The following PTPRN2 variants were observed in gnomAD, a reference collection of about 807,000 sequenced individuals.
PTPRN2 encodes protein tyrosine phosphatase receptor type N2.
In PTPRN2, 74 loss-of-function variants were observed where a neutral mutation model predicts 118.8. The ratio of observed to expected loss-of-function variants is 0.62; its 90% CI spans 0.52 to 0.76. The LOEUF (loss-of-function observed/expected upper bound fraction) is 0.76, where lower values mean the gene tolerates loss of function less well. Among genes scored for constraint, PTPRN2 ranks in the 30% least tolerant of loss-of-function variants. The pLI, the probability that PTPRN2 is intolerant of heterozygous loss-of-function variation, is 0.00. For synonymous variants in PTPRN2, 641 were observed against 608.0 expected (o/e 1.05, Z -0.80); for missense variants, 1,481 against 1,394.4 (o/e 1.06, Z -0.99).
intron 14 of PTPRN2, among the ~76,000 whole-genome samples, chr7:157,645,140 A>G (rs1796272): frequency 0.85 from 129,896 of 152,292 alleles, 55,800 homozygotes; most frequent in Admixed American, 0.91. Context: ...CCTGTGATTG[A>G]TGTTGCGTGG....
At chr7:158,545,268 GTC>G (rs1397305527) in intron 1 of PTPRN2, among the ~76,000 whole-genome samples, 2 of 152,212 alleles carry the variant, frequency 1.3e-5, no homozygotes, top group Admixed American at 6.5e-5. Context: ...GTTTGCCTGT[GTC>G]TCTCACCACT....
chr7:158,422,611 C>T (rs1366943922), intron 2 of PTPRN2, among the ~76,000 whole-genome samples: 5 of 152,264 alleles, frequency 3.3e-5, no homozygotes, highest in African/African-American at 1.2e-4. Context: ...GGATGTCATA[C>T]CTGGGCTGAC....
intron 2 of PTPRN2, among the ~76,000 whole-genome samples, chr7:158,401,501 C>T (rs1222117027): frequency 2.0e-5 from 3 of 152,176 alleles, no homozygotes; most frequent in East Asian, 1.9e-4. Flanking sequence ...AAGGGAGCAG[C>T]GTGGAGGCAG....
At chr7:157,828,779 A>G (rs1807354389) in intron 12 of PTPRN2, among the ~76,000 whole-genome samples, 1 of 152,086 alleles carries the variant, frequency 6.6e-6, no homozygotes, top group African/African-American at 2.4e-5. Context: ...TGTGTTGCCG[A>G]CTCCCGAAAA....
chr7:157,807,498 T>C (rs891608102), intron 12 of PTPRN2, among the ~76,000 whole-genome samples: 2 of 152,154 alleles, frequency 1.3e-5, no homozygotes, highest in African/African-American at 4.8e-5. Context: ...GCCTCAGACC[T>C]GGGGCCATGG....
At chr7:158,483,234 G>A (rs1820767913) in intron 2 of PTPRN2, among the ~76,000 whole-genome samples, 1 of 152,212 alleles carries the variant, frequency 6.6e-6, no homozygotes, top group Non-Finnish European at 1.5e-5. Context: ...TTTGTTACAA[G>A]TCTCAGCCAT....
intron 11 of PTPRN2, among the ~76,000 whole-genome samples, chr7:158,023,298 C>G (rs1233411627): frequency 6.6e-6 from 1 of 152,096 alleles, no homozygotes; most frequent in East Asian, 1.9e-4. Flanking sequence ...ACAGACAGCT[C>G]TCTCAGACCC....
At chr7:157,886,062 G>A (rs1042630816) in intron 12 of PTPRN2, among the ~76,000 whole-genome samples, 2 of 152,230 alleles carry the variant, frequency 1.3e-5, no homozygotes, top group Non-Finnish European at 2.9e-5. Flanking sequence ...CTCCAAGTCT[G>A]ATGGGTTGAC....
chr7:157,844,868 C>T (rs751253204), intron 12 of PTPRN2, among the ~76,000 whole-genome samples: 1 of 152,172 alleles, frequency 6.6e-6, no homozygotes, highest in African/African-American at 2.4e-5. Context: ...TGTGAGCCTC[C>T]GGGTGCTCGT....
chr7:158,310,615 A>G (rs1400482578), intron 3 of PTPRN2, among the ~76,000 whole-genome samples: 3 of 152,202 alleles, frequency 2.0e-5, no homozygotes, highest in Non-Finnish European at 4.4e-5. Flanking sequence ...AGGTTCCTCC[A>G]TTGCCCTGCG....
At chr7:157,689,895 C>T (rs1397312887) in intron 12 of PTPRN2, among the ~76,000 whole-genome samples, 1 of 152,212 alleles carries the variant, frequency 6.6e-6, no homozygotes, top group Admixed American at 6.5e-5. Context: ...GGCGCGCTCC[C>T]GGACCCTGGT....
chr7:157,825,882 G>A (rs961322892), intron 12 of PTPRN2, among the ~76,000 whole-genome samples: 1 of 152,240 alleles, frequency 6.6e-6, no homozygotes, highest in Non-Finnish European at 1.5e-5. Context: ...TAGCATCACT[G>A]TAGAGAGCTT....
intron 2 of PTPRN2, among the ~76,000 whole-genome samples, chr7:158,440,380 C>T (rs1816901168): frequency 6.6e-6 from 1 of 152,168 alleles, no homozygotes; most frequent in African/African-American, 2.4e-5. Flanking sequence ...GGCAGACTTC[C>T]TCAACAACAG....
chr7:158,147,576 C>G (rs1820262302), intron 6 of PTPRN2, among the ~76,000 whole-genome samples: 1 of 133,466 alleles, frequency 7.5e-6, no homozygotes, highest in African/African-American at 2.9e-5. Context: ...CACCCCATCT[C>G]ACGCCACGTG....
In PTPRN2 at chr7:158,316,353, C is replaced by T. The variant is rs548229394; in HGVS notation, c.277+466G>A. On this transcript the variant is annotated intron_variant, in intron 3 of 22. Coordinates refer to ENST00000389418, the MANE Select transcript of PTPRN2 (RefSeq NM_002847.5). ...CAGTGGGCCGGTGCTGTGGGAATTC[C>T]CTGGTCCTACCATGTTGCCATATAT... Among the ~76,000 whole-genome samples the T allele has an allele frequency of 2.0e-5, 3 of 152,314 alleles. 1 individual carries two copies. The highest frequency in any genetic ancestry group is 7.2e-5 in the African/African-American group (3 of 41,574).
At chr7:158,280,674 G>A (rs981888226) in intron 3 of PTPRN2, among the ~76,000 whole-genome samples, 9 of 152,138 alleles carry the variant, frequency 5.9e-5, no homozygotes, top group East Asian at 3.9e-4. Flanking sequence ...AGACGCGGCC[G>A]TGGAGTTTCT....
intron 12 of PTPRN2, among the ~76,000 whole-genome samples, chr7:157,817,884 G>A (rs1369344246): frequency 6.6e-6 from 1 of 151,998 alleles, no homozygotes; most frequent in Non-Finnish European, 1.5e-5. Context: ...TGATGTTTGT[G>A]TGGTGTGTGT....
intron 6 of PTPRN2, among the ~76,000 whole-genome samples, chr7:158,143,811 CAAAAGGACA>C (rs1819618470): frequency 6.6e-6 from 1 of 152,258 alleles, no homozygotes; most frequent in Non-Finnish European, 1.5e-5. Flanking sequence ...TCTGCCCTCC[CAAAAGGACA>C]AAAGGACTCT....
At position 157,874,125 on chromosome 7, in the gene PTPRN2, C is replaced by T. The variant is rs992457970; in HGVS notation, c.1788+24548G>A. Among the ~76,000 whole-genome samples, 1 of 152,322 alleles carries T rather than the reference C, an allele frequency of 6.6e-6. No individual in the cohort carries two copies. Among genetic ancestry groups the T allele is most frequent in the Non-Finnish European group, 1.5e-5 (1 of 68,040 alleles). ...GCCTTCTGCAACGATTCTCTGGCCTCTCTGCTGCTCTGCCTAGCTCCAGCC... is the reference window on the plus strand; with the variant it reads ...GCCTTCTGCAACGATTCTCTGGCCTTTCTGCTGCTCTGCCTAGCTCCAGCC... On this transcript the variant is annotated intron_variant, in intron 12 of 22. Transcript: ENST00000389418. This position sits in a 1 kb window ranked among gnomAD's most constrained non-coding sequence, Gnocchi z 5.8.
Sources: allele counts gnomAD v4.1 joint callset (sites outside exome capture counted in the v4.1 genomes callset), GRCh38; gene constraint gnomAD v4.1.1; non-coding constraint Gnocchi (gnomAD v3.1); transcripts MANE v1.5; gene names NCBI Gene and HGNC (gene_info 2026-07-23, HGNC 2026-07-21).